Variants in ARHGEF3 observed in about 807,000 individuals in gnomAD.
ARHGEF3 encodes 59.8 kDA protein.
A neutral mutation model predicts 63.2 loss-of-function variants in ARHGEF3; 28 were observed. The ratio of observed to expected loss-of-function variants is 0.44; its 90% confidence interval spans 0.33 to 0.61. The LOEUF is 0.61. ARHGEF3 is among the 20% of genes least tolerant of loss of function. The pLI is 0.03. For synonymous variants in ARHGEF3, 266 were observed against 254.2 expected, an observed-to-expected ratio of 1.05 and a Z score of -0.44; for missense variants, 533 against 659.3, an observed-to-expected ratio of 0.81 and a Z score of 2.10.
intron 4 of ARHGEF3, among the ~76,000 whole-genome samples, chr3:56,864,423 C>A (rs73833745): frequency 0.043 from 6,557 of 152,322 alleles, 212 homozygotes; most frequent in African/African-American, 0.089. Context: ...TTTCACTTCC[C>A]CAGAAAAGGC....
At chr3:56,763,491 C>T (rs2035537602) in intron 2 of ARHGEF3, among the ~76,000 whole-genome samples, 1 of 152,104 alleles carries the variant, frequency 6.6e-6, no homozygotes, top group African/African-American at 2.4e-5. Context: ...CTAAAATGTT[C>T]TACAATAGGG....
At chr3:56,982,606 A>T (rs1701368611) in intron 2 of ARHGEF3, among the ~76,000 whole-genome samples, 1 of 152,068 alleles carries the variant, frequency 6.6e-6, no homozygotes, top group African/African-American at 2.4e-5. Context: ...AAGGGTGGAG[A>T]TTGTTGTCTA....
chr3:56,945,185 C>T (rs772100116), intron 3 of ARHGEF3, among the ~76,000 whole-genome samples: 1 of 152,146 alleles, frequency 6.6e-6, no homozygotes, highest in East Asian at 1.9e-4. Context: ...CAGCTCCCAG[C>T]ATGAGTGATG....
Position 57,045,037 on chromosome 3 carries a change from C to T in ARHGEF3, c.-27-9861G>A, listed in dbSNP as rs146925755. ...ATCCGAGCACTCTGGGAAGCCGAGG[C>T]AGATGGATCACCTGAACTCAGGAGT... is the stretch of plus-strand genomic sequence containing the variant. On this transcript the variant is annotated intron_variant, in intron 1 of 12. Coordinates refer to the ARHGEF3 transcript ENST00000338458. 1.7e-3 allele frequency among the ~76,000 whole-genome samples: 261 copies of T among 152,310 alleles called. 2 individuals carry two copies. Among genetic ancestry groups the T allele is most frequent in the African/African-American group, 6.0e-3 (251 of 41,566 alleles).
At chr3:56,938,091 T>C (rs1234275920) in intron 3 of ARHGEF3, among the ~76,000 whole-genome samples, 1 of 152,232 alleles carries the variant, frequency 6.6e-6, no homozygotes, top group Non-Finnish European at 1.5e-5. Context: ...CTGGTGGTCC[T>C]TGCTGCTGCT....
intron 1 of ARHGEF3, among the ~76,000 whole-genome samples, chr3:56,775,988 TTCTC>T (rs140806151): frequency 6.6e-6 from 1 of 152,114 alleles, no homozygotes; most frequent in Non-Finnish European, 1.5e-5. Flanking sequence ...GTCTTTCTCT[TTCTC>T]TCTCTCTTTT....
Position 56,732,313 on chromosome 3 carries a change from G to C in ARHGEF3, c.1153C>G (p.Leu385Val), listed in dbSNP as rs1481886154. 1.2e-6 allele frequency: 2 copies of C among 1,614,098 alleles called. No individual in the cohort carries two copies. Among genetic ancestry groups the C allele is most frequent in the Admixed American group, 3.3e-5 (2 of 60,008 alleles). ...TCTCCATCCTGGAGGTCTTCCAGCA[G>C]GAGGTCTTTCACGGGGATTGGCTGA... ...YRQPIPVKDL[L>V]LEDLQDGEVR... is the part of the protein sequence containing the mutation. The change falls in exon 9 of 10, where the codon CTG (leucine) becomes GTG (valine). Residue 385 changes from leucine (L) to valine (V), a missense_variant. Leu to Val is a conservative substitution (Grantham distance 32). Transcript: ENST00000296315.
At chr3:56,865,004 T>A (rs2040195898) in intron 4 of ARHGEF3, among the ~76,000 whole-genome samples, 1 of 152,188 alleles carries the variant, frequency 6.6e-6, no homozygotes, top group Non-Finnish European at 1.5e-5. Flanking sequence ...TGGGAGCCCA[T>A]TAATCATTCC....
At chr3:57,017,030 TCTCACACACACA>T (rs1408700576) in intron 2 of ARHGEF3, among the ~76,000 whole-genome samples, 981 of 67,762 alleles carry the variant, frequency 0.014, 7 homozygotes, top group African/African-American at 0.038. Context: ...TCTCTCTCTC[TCTCACACACACA>T]CACACACACA....
intron 1 of ARHGEF3, among the ~76,000 whole-genome samples, chr3:56,782,738 G>T (rs1388535847): frequency 6.6e-6 from 1 of 151,816 alleles, no homozygotes; most frequent in Non-Finnish European, 1.5e-5. Context: ...AAAACACCCT[G>T]AGTTAGTTCA....
At chr3:57,021,865 T>C (rs1293849703) in intron 2 of ARHGEF3, among the ~76,000 whole-genome samples, 1 of 152,074 alleles carries the variant, frequency 6.6e-6, no homozygotes, top group Non-Finnish European at 1.5e-5. Flanking sequence ...TTGCAGATGA[T>C]ACAATTATAT....
intron 8 of ARHGEF3, among the ~76,000 whole-genome samples, chr3:56,734,139 A>G (rs537873235): frequency 7.2e-5 from 11 of 152,280 alleles, no homozygotes; most frequent in Admixed American, 3.3e-4. Context: ...TTCAGGTCCC[A>G]TTATGAAAGC....
chr3:56,862,809 T>TGCACG (rs763695611), intron 4 of ARHGEF3, among the ~76,000 whole-genome samples: 1 of 152,200 alleles, frequency 6.6e-6, no homozygotes, highest in Non-Finnish European at 1.5e-5. Flanking sequence ...AAGAGTCAAA[T>TGCACG]GCACCCCCTT....
intron 1 of ARHGEF3, among the ~76,000 whole-genome samples, chr3:56,776,748 G>A (rs571593380): frequency 7.9e-5 from 12 of 152,242 alleles, no homozygotes; most frequent in African/African-American, 2.9e-4. Context: ...GCTTTACAGA[G>A]AGGTAACAGA....
chr3:56,829,273 G>A (rs2038845073), intron 4 of ARHGEF3, among the ~76,000 whole-genome samples: 1 of 152,058 alleles, frequency 6.6e-6, no homozygotes, highest in African/African-American at 2.4e-5. Flanking sequence ...CAGGGCCTGC[G>A]GAAGACATGT....
At chr3:56,926,318 T>C (rs2042274112) in intron 3 of ARHGEF3, among the ~76,000 whole-genome samples, 1 of 152,152 alleles carries the variant, frequency 6.6e-6, no homozygotes, top group Admixed American at 6.5e-5. Flanking sequence ...GATGAGATGC[T>C]TGGAGCCAAG....
chr3:56,773,899 C>T (rs1033955931), intron 1 of ARHGEF3, 83 bp from the exon 2 acceptor site: 2 of 1,129,926 alleles, frequency 1.8e-6, no homozygotes, highest in Non-Finnish European at 2.5e-6. Flanking sequence ...CTGTGTTCCA[C>T]TCCACAAGGT....
Position 56,924,164 on chromosome 3 carries a change from CAG to C in ARHGEF3, c.129+34657_129+34658del, listed in dbSNP as rs1216438757. ...AACAGGAATGCAAGTCTGTGATAAACAGGGGAGAAACATGCTACCCCACACCT... is the reference window on the plus strand; with the variant it reads ...AACAGGAATGCAAGTCTGTGATAAACGGGAGAAACATGCTACCCCACACCT... On this transcript the variant is annotated intron_variant, in intron 3 of 12. Coordinates refer to the ARHGEF3 transcript ENST00000338458. Among the ~76,000 whole-genome samples, 8 of 152,312 alleles carry C rather than the reference CAG, an allele frequency of 5.3e-5. No homozygotes were observed. In the East Asian group the frequency reaches 1.2e-3, roughly 22 times the overall value.
rs1578341939 is a variant in ARHGEF3 at position 56,727,787 on chromosome 3, C to A, written c.*1483G>T. 1.3e-5 allele frequency: 2 copies of A among 152,544 alleles called. No homozygotes were observed. Among genetic ancestry groups the A allele is most frequent in the East Asian group, 3.8e-4 (2 of 5,200 alleles). The allele number at this position is 152,544 out of a possible 1,614,324, so 9.4% of individuals were successfully genotyped here. ...ATGTTTTACAGGGTAAAATTGATCA[C>A]AATATCCTTGTTTTCAAAAAATAAT... On this transcript the variant is annotated 3_prime_UTR_variant, in exon 10 of 10. Transcript: ENST00000296315.
Sources: gnomAD v4.1 joint callset for allele counts (sites outside exome capture counted in the v4.1 genomes callset) on GRCh38, gnomAD v4.1.1 for gene constraint, MANE v1.5 for transcripts, NCBI Gene and HGNC (gene_info 2026-07-23, HGNC 2026-07-21) for gene names.